The following TMIGD3 variants were observed in gnomAD, a reference collection of about 807,000 sequenced individuals.
The protein encoded by TMIGD3 is transmembrane and immunoglobulin domain containing 3.
TMIGD3 carries 21 observed loss-of-function variants against 28.1 expected under a neutral mutation model. That is an observed-to-expected ratio of 0.75 (90% CI 0.53 to 1.08). The LOEUF (loss-of-function observed/expected upper bound fraction) is 1.08. Ranked by LOEUF, TMIGD3 falls within the 50% of genes least tolerant of loss-of-function variation. TMIGD3 has a pLI of 0.00. For missense variants in TMIGD3, 416 were observed against 435.6 expected, an observed-to-expected ratio of 0.96 and a Z score of 0.40; for synonymous variants, 151 against 162.1, an observed-to-expected ratio of 0.93 and a Z score of 0.52.
At chr1:111,500,197 A>C in intron 1 of TMIGD3, 1 of 1,614,180 alleles carries the variant, frequency 6.2e-7, no homozygotes. Context: ...AGCAAACAAG[A>C]AAAGAACCAG....
chr1:111,523,834 T>C (rs1656160243), intron 1 of TMIGD3, among the ~76,000 whole-genome samples: 1 of 152,014 alleles, frequency 6.6e-6, no homozygotes, highest in Admixed American at 6.5e-5. Flanking sequence ...ATTATTAATT[T>C]AGTCTTTTTC....
At chr1:111,514,598 C>T (rs1001513938) in intron 1 of TMIGD3, among the ~76,000 whole-genome samples, 2 of 151,618 alleles carry the variant, frequency 1.3e-5, no homozygotes, top group African/African-American at 4.9e-5. Flanking sequence ...TACCCAGAAC[C>T]GCCATTACCT....
chr1:111,502,442 A>G, intron 1 of TMIGD3, among the ~76,000 whole-genome samples: 1 of 142,658 alleles, frequency 7.0e-6, no homozygotes, highest in Non-Finnish European at 1.5e-5. Flanking sequence ...TATATTTATT[A>G]TAATGAATAT....
chr1:111,524,028 C>CTTTTTTTTTTTTTTTTT (rs35046603), intron 1 of TMIGD3, among the ~76,000 whole-genome samples: 7 of 108,790 alleles, frequency 6.4e-5, no homozygotes, highest in African/African-American at 1.0e-4. Flanking sequence ...TCTTTCTTTT[C>CTTTTTTTTTTTTTTTTT]TTTTTTTTTT....
At chr1:111,542,841 C>T (rs1310266745) in intron 1 of TMIGD3, among the ~76,000 whole-genome samples, 2 of 152,056 alleles carry the variant, frequency 1.3e-5, no homozygotes, top group Non-Finnish European at 2.9e-5. Flanking sequence ...GGACTACAGG[C>T]ATGAACCACC....
At chr1:111,505,052 G>C, upstream of TMIGD3, 1 of 971,458 alleles carries the variant, frequency 1.0e-6, no homozygotes, top group Non-Finnish European at 1.2e-6. Flanking sequence ...TGTTTCTACT[G>C]TAATTGTTTT....
At position 111,489,580 on chromosome 1, in the gene TMIGD3, G is replaced by C. The variant is rs1203769182; in HGVS notation, c.458-556C>G. 2.7e-6 allele frequency: 3 copies of C among 1,093,626 alleles called. No homozygotes were observed. The Admixed American group carries it at 1.4e-4, about 50-fold the overall frequency. 67.7% of individuals were successfully genotyped at this position (1,093,626 alleles called of 1,614,324 possible). On this transcript the variant is annotated intron_variant, in intron 2 of 5. Transcript: ENST00000369716. ...AAACTAATAAAGCAACTCTGGAGAA[G>C]TCCTTTTCCCTGGCCTAAGGGTGGG...
intron 1 of TMIGD3, among the ~76,000 whole-genome samples, chr1:111,494,924 A>G (rs531361000): frequency 7.2e-5 from 11 of 152,310 alleles, no homozygotes; most frequent in African/African-American, 2.6e-4. Context: ...AAATGGTGCT[A>G]GGATAACTGG....
At chr1:111,500,610 G>C in intron 1 of TMIGD3, 11 of 1,540,430 alleles carry the variant, frequency 7.1e-6, no homozygotes, top group Non-Finnish European at 9.8e-6. Context: ...TAAAGGGTAG[G>C]GGAGATGGAG....
At chr1:111,536,696 C>T (rs1246320221) in intron 1 of TMIGD3, among the ~76,000 whole-genome samples, 1 of 152,124 alleles carries the variant, frequency 6.6e-6, no homozygotes, top group African/African-American at 2.4e-5. Flanking sequence ...CATGTTCACC[C>T]CTTTTTTTGA....
intron 1 of TMIGD3, among the ~76,000 whole-genome samples, chr1:111,515,540 C>A (rs1655832038): frequency 6.6e-6 from 1 of 152,224 alleles, no homozygotes; most frequent in African/African-American, 2.4e-5. Context: ...TCTGCAGCAG[C>A]CAGCTGCCCC....
chr1:111,519,468 A>T (rs1655980676), intron 1 of TMIGD3, among the ~76,000 whole-genome samples: 1 of 152,200 alleles, frequency 6.6e-6, no homozygotes, highest in Non-Finnish European at 1.5e-5. Flanking sequence ...TTGGTTCCAG[A>T]TTAATTTATT....
At chr1:111,502,662 G>C (rs1337093410) in intron 1 of TMIGD3, among the ~76,000 whole-genome samples, 1 of 149,966 alleles carries the variant, frequency 6.7e-6, no homozygotes, top group Non-Finnish European at 1.5e-5. Context: ...TTATCTAGTA[G>C]GCTTTTATCA....
At chr1:111,502,764 T>C (rs1298559793) in intron 1 of TMIGD3, among the ~76,000 whole-genome samples, 1 of 151,864 alleles carries the variant, frequency 6.6e-6, no homozygotes, top group Non-Finnish European at 1.5e-5. Flanking sequence ...GCTGGAGGGA[T>C]TGAGCACCCA....
chr1:111,511,109 A>G (rs1260308019), intron 1 of TMIGD3, among the ~76,000 whole-genome samples: 1 of 152,202 alleles, frequency 6.6e-6, no homozygotes, highest in Non-Finnish European at 1.5e-5. Context: ...AGTTACTGTC[A>G]GGCTGAGTTG....
intron 1 of TMIGD3, among the ~76,000 whole-genome samples, chr1:111,495,125 A>G (rs985196474): frequency 6.6e-6 from 1 of 152,252 alleles, no homozygotes; most frequent in African/African-American, 2.4e-5. Flanking sequence ...CCACCACAAC[A>G]AAAGCAAAAA....
At chr1:111,553,908 G>A (rs142183017) in intron 1 of TMIGD3, among the ~76,000 whole-genome samples, 3 of 152,170 alleles carry the variant, frequency 2.0e-5, no homozygotes, top group Admixed American at 6.5e-5. Context: ...CCTATACAAA[G>A]AGCTTGAATA....
intron 1 of TMIGD3, among the ~76,000 whole-genome samples, chr1:111,512,773 C>G (rs1306208545): frequency 6.6e-6 from 1 of 152,220 alleles, no homozygotes; most frequent in African/African-American, 2.4e-5. Flanking sequence ...GGCTACTGAA[C>G]TGTGAGATAC....
At chr1:111,536,635 A>T (rs1656647965) in intron 1 of TMIGD3, among the ~76,000 whole-genome samples, 1 of 152,004 alleles carries the variant, frequency 6.6e-6, no homozygotes, top group Non-Finnish European at 1.5e-5. Context: ...GCAATGATAA[A>T]CCATTTTTTT....
Sources: gnomAD v4.1 joint callset for allele counts (sites outside exome capture counted in the v4.1 genomes callset) on GRCh38, gnomAD v4.1.1 for gene constraint, MANE v1.5 for transcripts, NCBI Gene and HGNC (gene_info 2026-07-23, HGNC 2026-07-21) for gene names.